Variants in NEK11 observed in about 807,000 individuals in gnomAD.
NEK11 encodes the protein NIMA related kinase 11.
NEK11 carries 72 observed loss-of-function variants against 80.7 expected under a neutral mutation model. That is an observed-to-expected ratio of 0.89 (90% CI 0.74 to 1.08). The LOEUF is 1.08. Ranked by LOEUF, NEK11 falls within the 50% of genes least tolerant of loss-of-function variation. The pLI, the probability that NEK11 is intolerant of heterozygous loss-of-function variation, is 0.00. For missense variants in NEK11, 764 were observed against 763.6 expected (o/e 1.00, Z -0.01); for synonymous variants, 251 against 260.7 (o/e 0.96, Z 0.36).
intron 17 of NEK11, among the ~76,000 whole-genome samples, chr3:131,331,530 G>A (rs923215283): frequency 1.3e-5 from 2 of 152,242 alleles, no homozygotes; most frequent in African/African-American, 4.8e-5. Flanking sequence ...CAGCGTGAGC[G>A]ACGCAGAATA....
At chr3:131,294,106 C>T (rs534393977) in intron 17 of NEK11, among the ~76,000 whole-genome samples, 4 of 152,086 alleles carry the variant, frequency 2.6e-5, no homozygotes, top group Admixed American at 2.6e-4. Flanking sequence ...TTCTTTCCTT[C>T]TGCTTACTTT....
chr3:131,195,843 C>A (rs1453910797), intron 14 of NEK11, among the ~76,000 whole-genome samples: 1 of 139,296 alleles, frequency 7.2e-6, no homozygotes, highest in African/African-American at 2.9e-5. Context: ...TTTTTATACA[C>A]CCTATTGGTA....
At chr3:131,294,854 C>T (rs1332621027) in intron 17 of NEK11, among the ~76,000 whole-genome samples, 2 of 152,036 alleles carry the variant, frequency 1.3e-5, no homozygotes, top group Admixed American at 6.6e-5. Flanking sequence ...CATAGCTTCC[C>T]TTGCTTTGAA....
chr3:131,150,473 T>A (rs2089437325), intron 7 of NEK11, among the ~76,000 whole-genome samples: 1 of 151,982 alleles, frequency 6.6e-6, no homozygotes, highest in Non-Finnish European at 1.5e-5. Flanking sequence ...GGATTTAGAA[T>A]TGTTTTATAT....
At chr3:131,285,908 A>G (rs1412853464) in intron 17 of NEK11, among the ~76,000 whole-genome samples, 1 of 152,224 alleles carries the variant, frequency 6.6e-6, no homozygotes, top group East Asian at 1.9e-4. Context: ...TAGGACCTGA[A>G]CAATCTGGGT....
At chr3:131,291,022 T>A (rs541749776) in intron 17 of NEK11, among the ~76,000 whole-genome samples, 1 of 152,306 alleles carries the variant, frequency 6.6e-6, no homozygotes, top group East Asian at 1.9e-4. Flanking sequence ...CAATGTATAA[T>A]GTCATGTATC....
At chr3:131,215,180 A>T (rs1226738725) in intron 14 of NEK11, among the ~76,000 whole-genome samples, 1 of 151,408 alleles carries the variant, frequency 6.6e-6, no homozygotes, top group Non-Finnish European at 1.5e-5. Context: ...AGGACAAAAA[A>T]CCAAACACCG....
At chr3:131,345,058 T>C (rs2097341580) in intron 17 of NEK11, among the ~76,000 whole-genome samples, 1 of 152,250 alleles carries the variant, frequency 6.6e-6, no homozygotes, top group South Asian at 2.1e-4. Flanking sequence ...TCTTTTCTTT[T>C]TTTCATAGTC....
intron 4 of NEK11, among the ~76,000 whole-genome samples, chr3:131,101,577 C>T (rs1032922753): frequency 2.0e-5 from 3 of 152,134 alleles, no homozygotes; most frequent in Non-Finnish European, 4.4e-5. Flanking sequence ...TTTTTATGCA[C>T]TGTGGTCTGA....
At chr3:131,144,132 C>A (rs1457156402) in intron 7 of NEK11, among the ~76,000 whole-genome samples, 1 of 152,108 alleles carries the variant, frequency 6.6e-6, no homozygotes, top group South Asian at 2.1e-4. Context: ...TATCAATCAA[C>A]CTGTGCTTCA....
intron 14 of NEK11, among the ~76,000 whole-genome samples, chr3:131,198,146 T>C: frequency 6.6e-6 from 1 of 152,164 alleles, no homozygotes; most frequent in Non-Finnish European, 1.5e-5. Context: ...GCTGTTAGTT[T>C]TGCCAGCTGA....
At chr3:131,122,594 C>T (rs1462553713) in intron 5 of NEK11, among the ~76,000 whole-genome samples, 1 of 152,230 alleles carries the variant, frequency 6.6e-6, no homozygotes, top group Non-Finnish European at 1.5e-5. Context: ...TTGGCTGTGC[C>T]AGCACCTTTG....
intron 17 of NEK11, among the ~76,000 whole-genome samples, chr3:131,286,114 T>C (rs1020059777): frequency 1.3e-5 from 2 of 152,252 alleles, no homozygotes; most frequent in Non-Finnish European, 2.9e-5. Flanking sequence ...GGCCCTGACT[T>C]TATGAGTTAG....
At chr3:131,188,948 AGATCACCCTG>A (rs2093693346) in intron 14 of NEK11, among the ~76,000 whole-genome samples, 1 of 152,182 alleles carries the variant, frequency 6.6e-6, no homozygotes, top group Admixed American at 6.5e-5. Context: ...TCTTCGGGGG[AGATCACCCTG>A]GATTACAGTG....
At chr3:131,187,983 A>T (rs1255652356) in intron 14 of NEK11, among the ~76,000 whole-genome samples, 1 of 152,172 alleles carries the variant, frequency 6.6e-6, no homozygotes. Context: ...ATGGTCAGGT[A>T]AAATAGCTAA....
intron 5 of NEK11, among the ~76,000 whole-genome samples, chr3:131,111,367 T>A (rs564373712): frequency 7.2e-5 from 11 of 152,286 alleles, no homozygotes; most frequent in African/African-American, 2.4e-4. Flanking sequence ...AGGTAACAAT[T>A]GATGGTGCTT....
chr3:131,097,692 G>T (rs2149228443), intron 4 of NEK11, among the ~76,000 whole-genome samples: 1 of 151,796 alleles, frequency 6.6e-6, no homozygotes, highest in South Asian at 2.1e-4. Context: ...CCATGCTCAT[G>T]GGTAGGAAGA....
intron 16 of NEK11, among the ~76,000 whole-genome samples, chr3:131,245,196 A>T (rs970251539): frequency 4.6e-5 from 7 of 152,010 alleles, no homozygotes; most frequent in African/African-American, 1.7e-4. Context: ...GGTATTTGAC[A>T]TTCTGTTTCT....
chr3:131,325,743 A>G (rs1476299318), intron 17 of NEK11: 1 of 152,204 alleles, frequency 6.6e-6, no homozygotes, highest in Non-Finnish European at 1.5e-5. Flanking sequence ...AACATCAAAA[A>G]ACAAAACAAA....
Sources: allele counts gnomAD v4.1 joint callset (sites outside exome capture counted in the v4.1 genomes callset), GRCh38; gene constraint gnomAD v4.1.1; transcripts MANE v1.5; gene names NCBI Gene and HGNC (gene_info 2026-07-23, HGNC 2026-07-21).